The following OGFOD1 variants were observed in gnomAD, a reference collection of about 807,000 sequenced individuals.
OGFOD1 encodes 2-oxoglutarate and iron dependent oxygenase domain containing 1, also known as prolyl 3-hydroxylase OGFOD1.
A neutral mutation model predicts 67.7 loss-of-function variants in OGFOD1; 54 were observed. The observed-to-expected ratio is 0.80, with a 90% CI of 0.64 to 1.00. The LOEUF (loss-of-function observed/expected upper bound fraction) is 1.00, where lower values mean the gene tolerates loss of function less well. OGFOD1 is among the 50% of genes least tolerant of loss of function. OGFOD1 has a pLI of 0.00. For missense variants in OGFOD1, 606 were observed against 646.7 expected (o/e 0.94, Z 0.68); for synonymous variants, 221 against 227.0 (o/e 0.97, Z 0.24).
chr16:56,460,729 A>C (rs1177150689), intron 3 of OGFOD1, among the ~76,000 whole-genome samples: 2 of 152,254 alleles, frequency 1.3e-5, no homozygotes, highest in Non-Finnish European at 2.9e-5. Context: ...TTTGATACTT[A>C]GTTATAAACA....
Position 56,478,937 on chromosome 16 carries a change from C to T in OGFOD1, c.*2732C>T, listed in dbSNP as rs1963590605. ...TGTTTCTGCACTGAAGATAGATACA[C>T]AGTGATAGTGAAGTTTGTTTTCCTT... On this transcript the variant is annotated 3_prime_UTR_variant, in exon 13 of 13. Transcript: ENST00000566157. 1 of 152,310 alleles carries T rather than the reference C, an allele frequency of 6.6e-6. No homozygotes were observed. The highest frequency in any genetic ancestry group is 2.1e-4 in the South Asian group (1 of 4,832). 9.4% of individuals were successfully genotyped at this position (152,310 alleles called of 1,614,324 possible).
chr16:56,455,408 T>G (rs1021012611), intron 2 of OGFOD1, among the ~76,000 whole-genome samples: 2 of 147,250 alleles, frequency 1.4e-5, no homozygotes, highest in African/African-American at 5.0e-5. Flanking sequence ...GGCAAAATAA[T>G]AAAAAGAGCC....
intron 10 of OGFOD1, among the ~76,000 whole-genome samples, chr16:56,473,409 C>T (rs1430092910): frequency 1.3e-5 from 2 of 152,116 alleles, no homozygotes; most frequent in African/African-American, 4.8e-5. Flanking sequence ...TAGATTTTTT[C>T]CAGTTCTTCA....
In OGFOD1 at chr16:56,476,094, C is replaced by T. The variant is rs2144066295; in HGVS notation, c.1518C>T (p.Asp506=). 6.2e-7 allele frequency: 1 copy of T among 1,613,924 alleles called. No homozygotes were observed. The highest frequency in any genetic ancestry group is 8.5e-7 in the Non-Finnish European group (1 of 1,179,824). The change falls in exon 13 of 13, where the codon GAC becomes GAT. Residue 506 remains aspartate, a synonymous_variant. Coordinates refer to ENST00000566157, the MANE Select transcript of OGFOD1 (RefSeq NM_018233.4). ...ESNSLALVYR[D]RETLKFVKHI... is the part of the protein sequence containing the mutation. ...ATTCTTTGGCATTGGTCTACAGAGACAGAGAGACTCTGAAATTTGTCAAGC... is the reference window on the plus strand; with the variant it reads ...ATTCTTTGGCATTGGTCTACAGAGATAGAGAGACTCTGAAATTTGTCAAGC...
At chr16:56,470,154 G>A in intron 9 of OGFOD1, 72 bp downstream of exon 9, 1 of 1,360,552 alleles carries the variant, frequency 7.3e-7, no homozygotes, top group South Asian at 1.2e-5. Flanking sequence ...CTAGTAAAAT[G>A]ACAAAAAGCC....
intron 11 of OGFOD1, 85 bp from the exon 12 acceptor site, chr16:56,475,422 A>G (rs1963415568): frequency 1.6e-6 from 2 of 1,241,714 alleles, no homozygotes; most frequent in Non-Finnish European, 2.4e-6. Context: ...CCCACTGTTA[A>G]GCAGCATGGG....
At chr16:56,454,614 T>A (rs867404859) in intron 2 of OGFOD1, among the ~76,000 whole-genome samples, 4 of 151,768 alleles carry the variant, frequency 2.6e-5, no homozygotes, top group South Asian at 2.1e-4. Context: ...ATGAATCCTT[T>A]GTAAACCTCA....
At chr16:56,463,131 G>A (rs1252310108) in intron 4 of OGFOD1, among the ~76,000 whole-genome samples, 3 of 152,296 alleles carry the variant, frequency 2.0e-5, no homozygotes, top group South Asian at 4.1e-4. Context: ...ATTGTCACCA[G>A]TTTGGGGTGC....
rs1298055128 is a variant in OGFOD1, at chr16:56,478,031, AACTT to A, written c.*1830_*1833del. On this transcript the variant is annotated 3_prime_UTR_variant, in exon 13 of 13. Transcript: ENST00000566157. ...ACACATGTAGTAATATTATTTCTAT[AACTT>A]ACTGTTATAAAACACTAATTTTTAA... The A allele has an allele frequency of 1.3e-5, 2 of 152,238 alleles. No homozygotes were observed. The highest frequency in any genetic ancestry group is 2.9e-5 in the Non-Finnish European group (2 of 68,046). The allele number at this position is 152,238 out of a possible 1,614,324, so 9.4% of individuals were successfully genotyped here.
intron 10 of OGFOD1, among the ~76,000 whole-genome samples, chr16:56,473,649 G>A (rs1328492594): frequency 6.6e-6 from 1 of 151,136 alleles, no homozygotes; most frequent in African/African-American, 2.4e-5. Flanking sequence ...AATGGCATTC[G>A]CCTATCATTG....
At chr16:56,451,552 C>T, upstream of OGFOD1, 1 of 1,570,052 alleles carries the variant, frequency 6.4e-7, no homozygotes, top group Non-Finnish European at 8.7e-7. Context: ...CCGGGAGTTG[C>T]AGTACCCTCA....
intron 8 of OGFOD1, among the ~76,000 whole-genome samples, chr16:56,469,680 A>G (rs571807310): frequency 6.6e-6 from 1 of 152,002 alleles, no homozygotes; most frequent in East Asian, 1.9e-4. Context: ...GAGAAACCCC[A>G]TCTCTACTAA....
At chr16:56,463,717 A>G (rs1962805472) in intron 4 of OGFOD1, among the ~76,000 whole-genome samples, 1 of 149,222 alleles carries the variant, frequency 6.7e-6, no homozygotes, top group Non-Finnish European at 1.5e-5. Context: ...CTACCATGCC[A>G]GTATTTTTTT....
intron 10 of OGFOD1, among the ~76,000 whole-genome samples, chr16:56,471,506 T>C (rs1347671930): frequency 6.6e-6 from 1 of 152,208 alleles, no homozygotes; most frequent in African/African-American, 2.4e-5. Context: ...TGTGAAAATA[T>C]TGGCACCATT....
At chr16:56,459,761 T>C (rs917660805) in intron 3 of OGFOD1, among the ~76,000 whole-genome samples, 3 of 152,244 alleles carry the variant, frequency 2.0e-5, no homozygotes, top group African/African-American at 7.2e-5. Context: ...GACCAATGGA[T>C]TCACATCACG....
chr16:56,457,213 G>A (rs540996286), intron 2 of OGFOD1, among the ~76,000 whole-genome samples: 1 of 152,346 alleles, frequency 6.6e-6, no homozygotes, highest in African/African-American at 2.4e-5. Flanking sequence ...TATACCCATA[G>A]AATGGAATAC....
chr16:56,470,426 A>T, intron 9 of OGFOD1, 61 bp from the exon 10 acceptor site: 1 of 1,449,518 alleles, frequency 6.9e-7, no homozygotes, highest in Non-Finnish European at 9.4e-7. Context: ...ATCAGCTTTT[A>T]TTCTGTGAGT....
intron 2 of OGFOD1, 109 bp from the exon 3 acceptor site, chr16:56,458,439 C>G (rs1465495150): frequency 1.0e-6 from 1 of 971,826 alleles, no homozygotes; most frequent in Non-Finnish European, 1.7e-6. Context: ...GCTTCAGAGT[C>G]TGGGCTCTTA....
chr16:56,467,098 A>G (rs1962934629), intron 6 of OGFOD1, 67 bp from the exon 7 acceptor site: 3 of 1,605,834 alleles, frequency 1.9e-6, no homozygotes, highest in Non-Finnish European at 2.6e-6. Flanking sequence ...GGACCCTGAA[A>G]TTAATGTGCA....
Sources: allele counts gnomAD v4.1 joint callset (sites outside exome capture counted in the v4.1 genomes callset), GRCh38; gene constraint gnomAD v4.1.1; transcripts MANE v1.5; gene names NCBI Gene and HGNC (gene_info 2026-07-23, HGNC 2026-07-21).